WBP4: variants seen among roughly 807,000 people sequenced by gnomAD.
WBP4 encodes WW domain binding protein 4, also known as WW domain-binding protein 4.
A neutral mutation model predicts 55.4 loss-of-function variants in WBP4; 37 were observed. The ratio of observed to expected loss-of-function variants is 0.67; its 90% CI spans 0.51 to 0.88. The LOEUF (loss-of-function observed/expected upper bound fraction) is 0.88. Ranked by LOEUF, WBP4 falls within the 40% of genes least tolerant of loss-of-function variation. WBP4 has a pLI of 0.00. For synonymous variants in WBP4, 142 were observed against 140.2 expected (o/e 1.01, Z -0.09); for missense variants, 398 against 420.8 (o/e 0.95, Z 0.47).
chr13:41,069,707 A>G (rs1398786416), intron 5 of WBP4, among the ~76,000 whole-genome samples: 1 of 16,420 alleles, frequency 6.1e-5, no homozygotes, highest in African/African-American at 8.4e-5. Context: ...CTCTGCCTCA[A>G]AAAAAAAAAA....
At chr13:41,069,917 T>C (rs1878164032) in intron 5 of WBP4, among the ~76,000 whole-genome samples, 1 of 151,888 alleles carries the variant, frequency 6.6e-6, no homozygotes, top group African/African-American at 2.4e-5. Context: ...ACAGTGTCGT[T>C]TTACAGTAAC....
In WBP4 at chr13:41,080,753, TA is replaced by T. The variant is rs1240804295; in HGVS notation, c.866del (p.Lys289ArgfsTer22). 1.9e-6 allele frequency: 3 copies of T among 1,607,592 alleles called. No homozygotes were observed. Among genetic ancestry groups the T allele is most frequent in the Non-Finnish European group, 1.7e-6 (2 of 1,178,606 alleles). ...GSNEEKSKTL[K>X]KSNPYGEWQE... ...CAAATGAAGAAAAATCGAAAACTCT[TA>T]AGAAATCAAACCCATATGGAGAATG... On this transcript the variant is annotated frameshift_variant, in exon 9 of 10. Coordinates refer to ENST00000379487, the MANE Select transcript of WBP4 (RefSeq NM_007187.5). LOFTEE classifies it high-confidence loss of function.
rs529343069 is a variant in WBP4 at position 41,069,618 on chromosome 13, G to A, written c.439+881G>A. The stretch of plus-strand genomic sequence containing the variant: ...CGGAGCTTGCAGTGAGCCGAGATTG[G>A]GCCACTGAACCCAGGAAGCGGAGCT... On this transcript the variant is annotated intron_variant, in intron 5 of 9. Transcript: ENST00000379487. Among the ~76,000 whole-genome samples, 6 of 150,810 alleles carry A rather than the reference G, an allele frequency of 4.0e-5. No homozygotes were observed. In the East Asian group the frequency reaches 9.8e-4, roughly 25 times the overall value.
Position 41,062,542 on chromosome 13 carries a change from T to C in WBP4, c.3-102T>C, listed in dbSNP as rs1044203093. 5 of 1,008,558 alleles carry C rather than the reference T, an allele frequency of 5.0e-6. No homozygotes were observed. In the East Asian group the frequency reaches 1.3e-4, roughly 26 times the overall value. 62.5% of individuals were successfully genotyped at this position (1,008,558 alleles called of 1,614,324 possible). A position where few individuals can be genotyped will look rare whatever the true frequency, so the allele number is the denominator to read the frequency against. On this transcript the variant is annotated intron_variant, in intron 1 of 9. Coordinates refer to ENST00000379487, the MANE Select transcript of WBP4 (RefSeq NM_007187.5). Reference sequence around the variant, plus strand: ...CTATACATAACAAGACAAGATTCAGTAGCAGGGGCATATATTTCAAACTTT... The same window carrying C: ...CTATACATAACAAGACAAGATTCAGCAGCAGGGGCATATATTTCAAACTTT...
intron 9 of WBP4, 78 bp downstream of exon 9, chr13:41,080,887 A>G (rs983662855): frequency 7.0e-7 from 1 of 1,420,854 alleles, no homozygotes; most frequent in Non-Finnish European, 9.7e-7. Flanking sequence ...TGCAGTAAGT[A>G]ATTTCAAGGA....
chr13:41,082,197 C>T (rs1223762784), intron 9 of WBP4, among the ~76,000 whole-genome samples: 1 of 152,192 alleles, frequency 6.6e-6, no homozygotes, highest in East Asian at 1.9e-4. Flanking sequence ...GCTGCAACCT[C>T]TGCCTCCCAG....
intron 1 of WBP4, 111 bp from the exon 2 acceptor site, chr13:41,062,533 A>C (rs895767486): frequency 1.3e-5 from 12 of 955,714 alleles, no homozygotes; most frequent in South Asian, 1.8e-5. Flanking sequence ...ATAACAAGAC[A>C]AGATTCAGTA....
At chr13:41,061,927 G>T (rs1419591852) in intron 1 of WBP4, among the ~76,000 whole-genome samples, 2 of 151,984 alleles carry the variant, frequency 1.3e-5, no homozygotes, top group Non-Finnish European at 2.9e-5. Context: ...CAGGGGGCTG[G>T]TTGGACGGCC....
rs544825922 is a variant in WBP4 at position 41,064,145 on chromosome 13, A to C, written c.76-871A>C. Among the ~76,000 whole-genome samples, 3 of 152,050 alleles carry C rather than the reference A, an allele frequency of 2.0e-5. No homozygotes were observed. The East Asian group carries it at 5.8e-4, about 29-fold the overall frequency. ...GACACAAGTTCTTATTCCAGCATAC[A>C]TAAAAGGTAATGTACTGTATATATT... is the stretch of plus-strand genomic sequence containing the variant. On this transcript the variant is annotated intron_variant, in intron 2 of 9. Coordinates refer to ENST00000379487, the MANE Select transcript of WBP4 (RefSeq NM_007187.5).
intron 4 of WBP4, among the ~76,000 whole-genome samples, chr13:41,067,233 C>T (rs1878013746): frequency 6.6e-6 from 1 of 152,088 alleles, no homozygotes; most frequent in Non-Finnish European, 1.5e-5. Context: ...GGATTACAAG[C>T]GTGAGCCACT....
At chr13:41,064,601 C>T (rs1029080252) in intron 2 of WBP4, among the ~76,000 whole-genome samples, 1 of 152,146 alleles carries the variant, frequency 6.6e-6, no homozygotes, top group African/African-American at 2.4e-5. Flanking sequence ...TCATTGTTCT[C>T]TATGTCCCTC....
chr13:41,062,982 A>C (rs1389948854), intron 2 of WBP4, among the ~76,000 whole-genome samples: 1 of 152,170 alleles, frequency 6.6e-6, no homozygotes, highest in African/African-American at 2.4e-5. Flanking sequence ...TCATGTTATG[A>C]AGCACCTATA....
At position 41,083,853 on chromosome 13, in the gene WBP4, C is replaced by T. The variant is rs553579774; in HGVS notation, c.*939C>T. 3.3e-5 allele frequency: 5 copies of T among 152,014 alleles called. No individual in the cohort carries two copies. The highest frequency in any genetic ancestry group is 6.6e-5 in the Admixed American group (1 of 15,262). The allele number at this position is 152,014 out of a possible 1,614,324, so 9.4% of individuals were successfully genotyped here. ...AAAAGTAGAATTTTCTTCTTTAATC[C>T]GTTTAGTAGTTACCTCCCTTTTACT... On this transcript the variant is annotated 3_prime_UTR_variant, in exon 10 of 10. Transcript: ENST00000379487.
intron 1 of WBP4, among the ~76,000 whole-genome samples, 167 bp downstream of exon 1, chr13:41,061,842 C>T (rs894778099): frequency 2.6e-5 from 4 of 152,132 alleles, no homozygotes; most frequent in East Asian, 1.9e-4. Flanking sequence ...GTTCTCAGGG[C>T]GGGGTAGAAA....
At position 41,080,632 on chromosome 13, in the gene WBP4, CT is replaced by C; in HGVS notation, c.757-10del. The stretch of plus-strand genomic sequence containing the variant: ...TTGCTTGAACTGTATTATTTCTTGG[CT>C]TTTACATTTCAGGAAAAAAATAAAA... On this transcript the variant is annotated splice_polypyrimidine_tract_variant and intron_variant, in intron 8 of 9. Coordinates refer to ENST00000379487, the MANE Select transcript of WBP4 (RefSeq NM_007187.5). 6.4e-6 allele frequency: 10 copies of C among 1,570,856 alleles called. No individual in the cohort carries two copies. The highest frequency in any genetic ancestry group is 8.6e-6 in the Non-Finnish European group (10 of 1,167,120).
chr13:41,064,644 G>C (rs1218119114), intron 2 of WBP4, among the ~76,000 whole-genome samples: 1 of 151,928 alleles, frequency 6.6e-6, no homozygotes, highest in African/African-American at 2.4e-5. Context: ...AATTCTAAAG[G>C]CTTTTGATGT....
intron 7 of WBP4, among the ~76,000 whole-genome samples, chr13:41,075,397 A>G (rs1028236556): frequency 1.3e-5 from 2 of 152,094 alleles, no homozygotes; most frequent in Non-Finnish European, 2.9e-5. Context: ...CTTTTTTTAA[A>G]TTGAGACAAG....
At chr13:41,075,475 G>A (rs1479021525) in intron 7 of WBP4, among the ~76,000 whole-genome samples, 1 of 152,108 alleles carries the variant, frequency 6.6e-6, no homozygotes, top group Non-Finnish European at 1.5e-5. Flanking sequence ...TCTATTTCCT[G>A]GGCTCAAGCA....
chr13:41,080,989 A>G (rs1440889404), intron 9 of WBP4, among the ~76,000 whole-genome samples, 180 bp downstream of exon 9: 1 of 151,656 alleles, frequency 6.6e-6, no homozygotes, highest in African/African-American at 2.4e-5. Flanking sequence ...CACGAGGTCA[A>G]GAGATGAGAC....
Sources: gnomAD v4.1 joint callset for allele counts (sites outside exome capture counted in the v4.1 genomes callset) on GRCh38, gnomAD v4.1.1 for gene constraint, MANE v1.5 for transcripts, NCBI Gene and HGNC (gene_info 2026-07-23, HGNC 2026-07-21) for gene names.